The following TRIM44 variants were observed in gnomAD, a reference collection of about 807,000 sequenced individuals.
TRIM44 encodes the protein tripartite motif containing 44, also known as tripartite motif-containing protein 44.
A neutral mutation model predicts 37.4 loss-of-function variants in TRIM44; 13 were observed. The ratio of observed to expected loss-of-function variants is 0.35; its 90% confidence interval spans 0.23 to 0.55. The LOEUF (loss-of-function observed/expected upper bound fraction) is 0.55. TRIM44 is among the 20% of genes least tolerant of loss of function. The pLI is 0.89. For synonymous variants in TRIM44, 175 were observed against 157.2 expected (o/e 1.11, Z -0.85); for missense variants, 426 against 437.2 (o/e 0.97, Z 0.23).
At chr11:35,794,511 G>A (rs1853256268) in intron 4 of TRIM44, among the ~76,000 whole-genome samples, 1 of 152,148 alleles carries the variant, frequency 6.6e-6, no homozygotes, top group African/African-American at 2.4e-5. Flanking sequence ...CTGTCCATGG[G>A]CCACGCCATC....
intron 1 of TRIM44, among the ~76,000 whole-genome samples, chr11:35,673,046 T>A (rs942753643): frequency 2.6e-5 from 4 of 152,228 alleles, no homozygotes; most frequent in African/African-American, 9.6e-5. Flanking sequence ...TCTTAACCTG[T>A]AAAAAGTCTT....
intron 4 of TRIM44, among the ~76,000 whole-genome samples, chr11:35,804,366 A>G (rs1452668130): frequency 6.6e-6 from 1 of 152,222 alleles, no homozygotes; most frequent in East Asian, 1.9e-4. Flanking sequence ...CAATTTGGCA[A>G]GAGAGTTGTT....
At chr11:35,680,987 T>C (rs1851516005) in intron 1 of TRIM44, among the ~76,000 whole-genome samples, 1 of 152,136 alleles carries the variant, frequency 6.6e-6, no homozygotes, top group South Asian at 2.1e-4. Flanking sequence ...TGTATAGAAA[T>C]CCCTTATGTG....
At chr11:35,727,858 A>G (rs1362498126) in intron 3 of TRIM44, among the ~76,000 whole-genome samples, 1 of 152,212 alleles carries the variant, frequency 6.6e-6, no homozygotes, top group Admixed American at 6.5e-5. Flanking sequence ...TCCATGTTCT[A>G]GACAGCTTTG....
Position 35,784,322 on chromosome 11 carries a change from A to G in TRIM44, c.1008-22036A>G, listed in dbSNP as rs537283361. 4.6e-5 allele frequency among the ~76,000 whole-genome samples: 7 copies of G among 152,318 alleles called. No homozygotes were observed. In the East Asian group the frequency reaches 1.2e-3, roughly 25 times the overall value. On this transcript the variant is annotated intron_variant, in intron 4 of 4. Coordinates refer to ENST00000299413, the MANE Select transcript of TRIM44 (RefSeq NM_017583.6). The stretch of plus-strand genomic sequence containing the variant: ...TCTGAGGCTTGAGATCTGAGCAGCT[A>G]AAGGGTAAGATAACTTGTAAGATCC...
At chr11:35,757,236 C>T (rs1461691558) in intron 4 of TRIM44, among the ~76,000 whole-genome samples, 9 of 152,072 alleles carry the variant, frequency 5.9e-5, no homozygotes, top group Admixed American at 4.6e-4. Context: ...CTTGGGAGGG[C>T]GTATGTGTTG....
intron 1 of TRIM44, among the ~76,000 whole-genome samples, chr11:35,669,607 C>T (rs960530960): frequency 2.0e-5 from 3 of 151,766 alleles, no homozygotes; most frequent in African/African-American, 4.8e-5. Flanking sequence ...TCCTGAGTAG[C>T]TGGAACTGCA....
At chr11:35,769,751 TAC>T (rs1852841848) in intron 4 of TRIM44, among the ~76,000 whole-genome samples, 1 of 152,180 alleles carries the variant, frequency 6.6e-6, no homozygotes, top group African/African-American at 2.4e-5. Flanking sequence ...GGGCTGGACA[TAC>T]AGTTGGCTCT....
At chr11:35,709,439 T>C (rs911839504) in intron 2 of TRIM44, among the ~76,000 whole-genome samples, 1 of 152,204 alleles carries the variant, frequency 6.6e-6, no homozygotes, top group Non-Finnish European at 1.5e-5. Flanking sequence ...AAAAAAATCC[T>C]TGCAAATCTT....
At chr11:35,732,949 A>G (rs1350768006) in intron 3 of TRIM44, among the ~76,000 whole-genome samples, 6 of 152,222 alleles carry the variant, frequency 3.9e-5, no homozygotes, top group Non-Finnish European at 7.3e-5. Flanking sequence ...GGATGAACAT[A>G]TAGCAAAACT....
chr11:35,807,077 A>G lies in TRIM44; in HGVS notation c.*692A>G, dbSNP rs575550865. On this transcript the variant is annotated 3_prime_UTR_variant, in exon 5 of 5. Transcript: ENST00000299413. ...GGAAATGACCTTAGGGGGAAAAAAA[A>G]GGACCAAAGAAGTCTGATTAAAAGT... 1.3e-5 allele frequency: 2 copies of G among 152,368 alleles called. No individual in the cohort carries two copies. The highest frequency in any genetic ancestry group is 4.8e-5 in the African/African-American group (2 of 41,604). 9.4% of individuals were successfully genotyped at this position (152,368 alleles called of 1,614,324 possible).
intron 4 of TRIM44, among the ~76,000 whole-genome samples, chr11:35,783,214 A>G (rs1306227436): frequency 6.6e-6 from 1 of 152,168 alleles, no homozygotes; most frequent in African/African-American, 2.4e-5. Flanking sequence ...TCACAAAGCT[A>G]GTATATAGCA....
At chr11:35,703,677 T>TC (rs1200377131) in intron 2 of TRIM44, among the ~76,000 whole-genome samples, 155 of 152,116 alleles carry the variant, frequency 1.0e-3, no homozygotes, top group Non-Finnish European at 1.1e-3. Flanking sequence ...TCTAGCAAAC[T>TC]CCAACAGACC....
chr11:35,783,087 AT>A (rs1853086411), intron 4 of TRIM44, among the ~76,000 whole-genome samples: 1 of 152,204 alleles, frequency 6.6e-6, no homozygotes, highest in African/African-American at 2.4e-5. Flanking sequence ...AGTGCTTTAC[AT>A]ATGTTCTCTC....
intron 4 of TRIM44, among the ~76,000 whole-genome samples, chr11:35,799,176 C>G (rs1435279262): frequency 1.3e-5 from 2 of 152,250 alleles, no homozygotes; most frequent in East Asian, 3.8e-4. Flanking sequence ...CCTGGGCAGG[C>G]CTGCTGGCTC....
chr11:35,721,929 A>C (rs1430710096), intron 2 of TRIM44, among the ~76,000 whole-genome samples: 2 of 152,196 alleles, frequency 1.3e-5, no homozygotes, highest in African/African-American at 2.4e-5. Context: ...TTGTTGATGA[A>C]GTTTTTCCCT....
rs560772038 is a variant in TRIM44, at chr11:35,719,838, G to C, written c.748-6086G>C. The stretch of plus-strand genomic sequence containing the variant: ...TCTATTGTATTACCTTTGCTCCTTT[G>C]TCAAAGATCAGTTGACATATGTACC... On this transcript the variant is annotated intron_variant, in intron 2 of 4. Transcript: ENST00000299413. Among the ~76,000 whole-genome samples the C allele has an allele frequency of 2.6e-5, 4 of 152,110 alleles. No individual in the cohort carries two copies. In the East Asian group the frequency reaches 7.7e-4, roughly 29 times the overall value.
At chr11:35,700,086 C>T (rs1027484284) in intron 2 of TRIM44, among the ~76,000 whole-genome samples, 8 of 152,100 alleles carry the variant, frequency 5.3e-5, no homozygotes, top group Non-Finnish European at 1.0e-4. Flanking sequence ...CTTCACAGAA[C>T]TGGAAAAAAC....
intron 2 of TRIM44, among the ~76,000 whole-genome samples, chr11:35,712,828 T>C (rs1363068790): frequency 6.6e-6 from 1 of 152,096 alleles, no homozygotes; most frequent in Non-Finnish European, 1.5e-5. Context: ...GGAGCCGGGG[T>C]ACCTAGATAT....
Sources: gnomAD v4.1 joint callset for allele counts (sites outside exome capture counted in the v4.1 genomes callset) on GRCh38, gnomAD v4.1.1 for gene constraint, MANE v1.5 for transcripts, NCBI Gene and HGNC (gene_info 2026-07-23, HGNC 2026-07-21) for gene names.